Variants in SPAG16 observed in about 807,000 individuals in gnomAD.
The protein encoded by SPAG16 is sperm associated antigen 16, also known as sperm-associated antigen 16 protein.
In SPAG16, 86 loss-of-function variants were observed where a neutral mutation model predicts 80.4. The observed-to-expected ratio is 1.07, with a 90% CI of 0.90 to 1.28. The LOEUF (loss-of-function observed/expected upper bound fraction) is 1.28. Ranked by LOEUF, SPAG16 falls within the 50% of genes most tolerant of loss-of-function variation. SPAG16 has a pLI of 0.00. For missense variants in SPAG16, 870 were observed against 765.3 expected (o/e 1.14, Z -1.61); for synonymous variants, 294 against 265.9 (o/e 1.11, Z -1.03).
intron 12 of SPAG16, among the ~76,000 whole-genome samples, chr2:213,981,379 T>C (rs1000179984): frequency 2.0e-5 from 3 of 152,140 alleles, no homozygotes; most frequent in Non-Finnish European, 2.9e-5. Context: ...GAGCTCTTTT[T>C]TTCCAATGGG....
At position 214,350,080 on chromosome 2, in the gene SPAG16, CT is replaced by C. The variant is rs575147427; in HGVS notation, c.1721-60053del. Among the ~76,000 whole-genome samples the C allele has an allele frequency of 1.2e-4, 19 of 152,214 alleles. No individual in the cohort carries two copies. The South Asian group carries it at 3.7e-3, about 30-fold the overall frequency. ...GCTATTCTTCTGTATGTAATTTGTC[CT>C]TTTTTTCCTGGCTACTTAGAGGATT... On this transcript the variant is annotated intron_variant, in intron 15 of 15. Coordinates refer to ENST00000331683, the MANE Select transcript of SPAG16 (RefSeq NM_024532.5).
intron 10 of SPAG16, among the ~76,000 whole-genome samples, chr2:213,838,267 G>A (rs2074198322): frequency 6.6e-6 from 1 of 152,166 alleles, no homozygotes; most frequent in Admixed American, 6.5e-5. Context: ...TGCCTCCTGG[G>A]TTCAAGCGAT....
chr2:214,109,180 G>T (rs2053547450), intron 14 of SPAG16, among the ~76,000 whole-genome samples: 1 of 152,120 alleles, frequency 6.6e-6, no homozygotes, highest in Non-Finnish European at 1.5e-5. Flanking sequence ...AGAACTGTGA[G>T]AAATAAATTT....
At chr2:213,518,205 A>G (rs2075517112) in intron 10 of SPAG16, among the ~76,000 whole-genome samples, 1 of 152,218 alleles carries the variant, frequency 6.6e-6, no homozygotes, top group Admixed American at 6.5e-5. Context: ...CATGCTCATC[A>G]TCTGCCATCA....
At chr2:213,707,220 G>A (rs1193487924) in intron 10 of SPAG16, among the ~76,000 whole-genome samples, 1 of 152,184 alleles carries the variant, frequency 6.6e-6, no homozygotes, top group East Asian at 1.9e-4. Context: ...TTTAGACACT[G>A]CTTACAAAAC....
intron 10 of SPAG16, among the ~76,000 whole-genome samples, chr2:213,785,665 G>C (rs1159656093): frequency 6.6e-6 from 1 of 152,126 alleles, no homozygotes; most frequent in East Asian, 1.9e-4. Context: ...GTTAACATTT[G>C]AAAGTACATA....
At chr2:213,786,018 A>C (rs2070321181) in intron 10 of SPAG16, among the ~76,000 whole-genome samples, 1 of 152,130 alleles carries the variant, frequency 6.6e-6, no homozygotes, top group Non-Finnish European at 1.5e-5. Flanking sequence ...AAAAAAAAAA[A>C]AGAATTTTAT....
At chr2:213,408,659 T>C (rs1162982269) in intron 9 of SPAG16, among the ~76,000 whole-genome samples, 1 of 152,226 alleles carries the variant, frequency 6.6e-6, no homozygotes, top group East Asian at 1.9e-4. Context: ...TAGATGTTTC[T>C]TCCCGGGTGA....
intron 4 of SPAG16, among the ~76,000 whole-genome samples, chr2:213,311,577 C>G (rs2063186711): frequency 6.6e-6 from 1 of 151,644 alleles, no homozygotes; most frequent in Admixed American, 6.6e-5. Context: ...TCCTCCCAAA[C>G]TAAGCATACT....
At chr2:213,994,418 C>A (rs1263599110) in intron 12 of SPAG16, among the ~76,000 whole-genome samples, 20 of 152,032 alleles carry the variant, frequency 1.3e-4, no homozygotes, top group Non-Finnish European at 2.8e-4. Context: ...TCAAAGGATT[C>A]TTAAAAATCT....
intron 9 of SPAG16, among the ~76,000 whole-genome samples, chr2:213,423,836 C>A (rs1391581678): frequency 6.6e-6 from 1 of 152,138 alleles, no homozygotes; most frequent in African/African-American, 2.4e-5. Flanking sequence ...CCCTCAAAAG[C>A]CTTTTTTCTC....
At chr2:214,070,004 T>C (rs2050713714) in intron 13 of SPAG16, among the ~76,000 whole-genome samples, 2 of 152,154 alleles carry the variant, frequency 1.3e-5, no homozygotes, top group African/African-American at 4.8e-5. Flanking sequence ...TATTTTTATA[T>C]GTGTTTTGGC....
At chr2:213,476,954 A>G (rs1256890195) in intron 9 of SPAG16, among the ~76,000 whole-genome samples, 1 of 152,188 alleles carries the variant, frequency 6.6e-6, no homozygotes, top group African/African-American at 2.4e-5. Flanking sequence ...ATTGAGCAAC[A>G]GAAAGAAAGC....
At chr2:213,487,347 A>T (rs1012377152) in intron 9 of SPAG16, among the ~76,000 whole-genome samples, 1 of 152,076 alleles carries the variant, frequency 6.6e-6, no homozygotes, top group Non-Finnish European at 1.5e-5. Context: ...GTCAATACAA[A>T]AAAAGGTTAT....
At chr2:213,728,037 C>T (rs1039965997) in intron 10 of SPAG16, among the ~76,000 whole-genome samples, 1 of 151,944 alleles carries the variant, frequency 6.6e-6, no homozygotes, top group Non-Finnish European at 1.5e-5. Flanking sequence ...TTAGTGGAGA[C>T]GAGGTTTCAC....
chr2:213,814,254 G>A (rs768717455), intron 10 of SPAG16, among the ~76,000 whole-genome samples: 7 of 152,150 alleles, frequency 4.6e-5, no homozygotes, highest in Non-Finnish European at 8.8e-5. Flanking sequence ...GCTGCTTTGG[G>A]AAACCTCAGT....
intron 10 of SPAG16, among the ~76,000 whole-genome samples, chr2:213,824,631 T>C (rs1257863776): frequency 6.6e-6 from 1 of 152,210 alleles, no homozygotes; most frequent in Non-Finnish European, 1.5e-5. Context: ...CATGCTGTTT[T>C]GGTTACTTTA....
chr2:213,908,496 C>T (rs1317870705), intron 11 of SPAG16, among the ~76,000 whole-genome samples: 1 of 152,160 alleles, frequency 6.6e-6, no homozygotes, highest in Non-Finnish European at 1.5e-5. Context: ...TTCAGTCTCC[C>T]TCTGTGATCT....
intron 15 of SPAG16, among the ~76,000 whole-genome samples, chr2:214,306,370 T>C (rs557243762): frequency 4.6e-5 from 7 of 152,270 alleles, no homozygotes; most frequent in Admixed American, 2.0e-4. Context: ...CCTTTATTTC[T>C]TTCTCTTCCC....
Sources: allele counts gnomAD v4.1 joint callset (sites outside exome capture counted in the v4.1 genomes callset), GRCh38; gene constraint gnomAD v4.1.1; transcripts MANE v1.5; gene names NCBI Gene and HGNC (gene_info 2026-07-23, HGNC 2026-07-21).